Variants in SHC4 observed in about 807,000 individuals in gnomAD.
SHC4 encodes SHC-transforming protein 4.
SHC4 carries 41 observed loss-of-function variants against 69.4 expected under a neutral mutation model. The ratio of observed to expected loss-of-function variants is 0.59; its 90% CI spans 0.46 to 0.77. The LOEUF (loss-of-function observed/expected upper bound fraction) is 0.77. Among genes scored for constraint, SHC4 ranks in the 30% least tolerant of loss-of-function variants. The pLI, the probability that SHC4 is intolerant of heterozygous loss-of-function variation, is 0.00. For synonymous variants in SHC4, 318 were observed against 299.3 expected (o/e 1.06, Z -0.64); for missense variants, 777 against 783.8 (o/e 0.99, Z 0.10).
At chr15:48,885,046 A>G (rs1421449970) in intron 3 of SHC4, among the ~76,000 whole-genome samples, 2 of 152,244 alleles carry the variant, frequency 1.3e-5, no homozygotes, top group Non-Finnish European at 2.9e-5. Flanking sequence ...ATAGAGATTT[A>G]GAGGCAGATC....
At chr15:48,870,842 C>A (rs1296332135) in intron 5 of SHC4, among the ~76,000 whole-genome samples, 1 of 152,170 alleles carries the variant, frequency 6.6e-6, no homozygotes, top group Non-Finnish European at 1.5e-5. Context: ...GAAGAACCTG[C>A]TTAAATGCTT....
chr15:48,848,870 AAAG>A (rs1359743916), intron 9 of SHC4, among the ~76,000 whole-genome samples: 1 of 152,134 alleles, frequency 6.6e-6, no homozygotes, highest in Non-Finnish European at 1.5e-5. Context: ...CTTGGGGGAA[AAAG>A]AAGAAGGGAA....
intron 2 of SHC4, among the ~76,000 whole-genome samples, chr15:48,917,311 C>G (rs1900643818): frequency 6.9e-6 from 1 of 144,870 alleles, no homozygotes; most frequent in African/African-American, 2.6e-5. Context: ...TGATTTAGGT[C>G]AGGTGTTTTT....
intron 10 of SHC4, among the ~76,000 whole-genome samples, chr15:48,842,983 G>C (rs1003735010): frequency 6.6e-6 from 1 of 152,066 alleles, no homozygotes; most frequent in African/African-American, 2.4e-5. Flanking sequence ...CCTGACCTGT[G>C]AACATGACCT....
chr15:48,930,413 C>T (rs776902870), intron 1 of SHC4, among the ~76,000 whole-genome samples: 5 of 152,166 alleles, frequency 3.3e-5, no homozygotes, highest in Non-Finnish European at 7.3e-5. Flanking sequence ...ATACCTGCAT[C>T]TTGGCTAGGA....
chr15:48,898,255 G>A (rs1460001674), intron 2 of SHC4, among the ~76,000 whole-genome samples: 1 of 152,188 alleles, frequency 6.6e-6, no homozygotes, highest in Admixed American at 6.5e-5. Context: ...ACAGGAACCT[G>A]CCTCTGTGGC....
chr15:48,962,484 C>T lies in SHC4; in HGVS notation c.532G>A (p.Asp178Asn). Residue 178 changes from aspartate (D) to asparagine (N), a missense_variant, in exon 1 of 12, where the codon GAC becomes AAC. Transcript: ENST00000332408. ...AACAGGTGCTGTAGAAAGTGCCTGT[C>T]CTGCCTGCTCCTAAGTGTTGGCTCC... ...PGEPTLRSRQ[D>N]RHFLQHLLGM... is the part of the protein sequence containing the mutation. The T allele has an allele frequency of 2.6e-6, 4 of 1,547,274 alleles. No individual in the cohort carries two copies. Among genetic ancestry groups the T allele is most frequent in the Non-Finnish European group, 3.5e-6 (4 of 1,148,486 alleles).
chr15:48,840,217 C>A (rs1033576101), intron 10 of SHC4, among the ~76,000 whole-genome samples: 2 of 152,180 alleles, frequency 1.3e-5, no homozygotes, highest in African/African-American at 2.4e-5. Context: ...TAAATGTCAG[C>A]CCTTTTTACA....
At position 48,834,798 on chromosome 15, in the gene SHC4, G is replaced by GTTT. The variant is rs761427593; in HGVS notation, c.1705_1707dup (p.Lys569dup). ...CCTTCAGGATCCACCAGGAGAAGAT[G>GTTT]TTTTGCTTGGCCTCCCTGTAGTCCA... On this transcript the variant is annotated inframe_insertion, in exon 11 of 12. Coordinates refer to ENST00000332408, the MANE Select transcript of SHC4 (RefSeq NM_203349.4). The GTTT allele has an allele frequency of 2.4e-5, 39 of 1,614,050 alleles. No individual in the cohort carries two copies. The highest frequency in any genetic ancestry group is 3.3e-5 in the Non-Finnish European group (39 of 1,180,014).
At chr15:48,894,739 G>A (rs930102747) in intron 2 of SHC4, among the ~76,000 whole-genome samples, 7 of 152,106 alleles carry the variant, frequency 4.6e-5, no homozygotes, top group Non-Finnish European at 7.3e-5. Flanking sequence ...GTAGCAGGGA[G>A]CCCGAGTTTC....
rs1898809262 is a variant in SHC4, at chr15:48,831,870, T to A, written c.1737+2899A>T. On this transcript the variant is annotated intron_variant, in intron 11 of 11. Transcript: ENST00000332408. The stretch of plus-strand genomic sequence containing the variant: ...TTCATGTTACTGTTTGGTATCCTTT[T>A]GTTTCAACTTGAAGGACTTTAGCAT... Among the ~76,000 whole-genome samples, 3 of 152,360 alleles carry A rather than the reference T, an allele frequency of 2.0e-5. No homozygotes were observed. The South Asian group carries it at 6.2e-4, about 32-fold the overall frequency.
Position 48,962,599 on chromosome 15 carries a change from C to G in SHC4, c.417G>C (p.Arg139Ser). The G allele has an allele frequency of 3.1e-6, 5 of 1,613,904 alleles. No homozygotes were observed. The highest frequency in any genetic ancestry group is 4.2e-6 in the Non-Finnish European group (5 of 1,179,862). Residue 139 changes from arginine to serine, a missense_variant, in exon 1 of 12, where the codon AGG (arginine) becomes AGC (serine). Coordinates refer to ENST00000332408, the MANE Select transcript of SHC4 (RefSeq NM_203349.4). Reference sequence around the variant, plus strand: ...GCTGCGGTGGAGGTGCAGTCCCGGACCTACTTAAACTGGTTTCTGGGGAAG... The same window carrying G: ...GCTGCGGTGGAGGTGCAGTCCCGGAGCTACTTAAACTGGTTTCTGGGGAAG... ...GPSSPETSLS[R>S]SGTAPPPQQD... is the part of the protein sequence containing the mutation.
rs572470972 is a variant in SHC4 at position 48,909,640 on chromosome 15, A to G, written c.656+15239T>C. Among the ~76,000 whole-genome samples, 3 of 152,298 alleles carry G rather than the reference A, an allele frequency of 2.0e-5. No homozygotes were observed. In the South Asian group the frequency reaches 6.2e-4, roughly 32 times the overall value. Reference sequence around the variant, plus strand: ...GCATGTTTGTCTTGTTCCAGTTCTCAGAGGGAATGTTTTCAAAGTTTCCCT... The same window carrying G: ...GCATGTTTGTCTTGTTCCAGTTCTCGGAGGGAATGTTTTCAAAGTTTCCCT... On this transcript the variant is annotated intron_variant, in intron 2 of 11. Transcript: ENST00000332408.
At chr15:48,867,723 T>C (rs1899590036) in intron 6 of SHC4, 95 bp downstream of exon 6, 4 of 1,049,110 alleles carry the variant, frequency 3.8e-6, no homozygotes, top group Non-Finnish European at 5.8e-6. Flanking sequence ...ACCCTAGTGA[T>C]AGTCATCACT....
At chr15:48,940,734 C>A (rs528809631) in intron 1 of SHC4, among the ~76,000 whole-genome samples, 18 of 152,262 alleles carry the variant, frequency 1.2e-4, no homozygotes, top group African/African-American at 4.1e-4. Flanking sequence ...TCATTGACGT[C>A]ATTCTCCCTC....
In SHC4 at chr15:48,843,592, T is replaced by C. The variant is rs1300468645; in HGVS notation, c.1304-4A>G. The C allele has an allele frequency of 1.2e-6, 2 of 1,607,148 alleles. No individual in the cohort carries two copies. Among genetic ancestry groups the C allele is most frequent in the Non-Finnish European group, 1.7e-6 (2 of 1,175,336 alleles). On this transcript the variant is annotated splice_region_variant and splice_polypyrimidine_tract_variant and intron_variant, in intron 9 of 11. Coordinates refer to ENST00000332408, the MANE Select transcript of SHC4 (RefSeq NM_203349.4). Reference sequence around the variant, plus strand: ...ACCCCTCTTGGATGGACATTACCTGTAGTGATTAGTAGTGATCAATACATT... The same window carrying C: ...ACCCCTCTTGGATGGACATTACCTGCAGTGATTAGTAGTGATCAATACATT...
At chr15:48,877,997 C>G (rs1193553710) in intron 4 of SHC4, 3 of 659,556 alleles carry the variant, frequency 4.5e-6, no homozygotes, top group Non-Finnish European at 7.1e-6. Flanking sequence ...GCCAACACCC[C>G]GGAGAAAACA....
chr15:48,842,196 G>A (rs1899004974), intron 10 of SHC4, among the ~76,000 whole-genome samples: 2 of 152,152 alleles, frequency 1.3e-5, no homozygotes, highest in Non-Finnish European at 2.9e-5. Context: ...AATTTGGCAG[G>A]AAAGATGTTT....
chr15:48,845,144 T>C (rs1274581134), intron 9 of SHC4, among the ~76,000 whole-genome samples: 1 of 152,242 alleles, frequency 6.6e-6, no homozygotes, highest in Non-Finnish European at 1.5e-5. Context: ...ACATTAGTCC[T>C]TCTATTGCTT....
Sources: allele counts gnomAD v4.1 joint callset (sites outside exome capture counted in the v4.1 genomes callset), GRCh38; gene constraint gnomAD v4.1.1; transcripts MANE v1.5; gene names NCBI Gene and HGNC (gene_info 2026-07-23, HGNC 2026-07-21).